The following AQP11 variants were observed in gnomAD, a reference collection of about 807,000 sequenced individuals.
AQP11 encodes the protein aquaporin-11.
A neutral mutation model predicts 21.1 loss-of-function variants in AQP11; 20 were observed. The ratio of observed to expected loss-of-function variants is 0.95; its 90% CI spans 0.67 to 1.38. AQP11 has a LOEUF of 1.38. Among genes scored for constraint, AQP11 ranks in the 40% most tolerant of loss-of-function variants. The probability of loss-of-function intolerance (pLI) is 0.00; values close to 1 mark genes in which losing one functional copy is unlikely to be tolerated. For synonymous variants in AQP11, 167 were observed against 150.1 expected (o/e 1.11, Z -0.82); for missense variants, 339 against 340.4 (o/e 1.00, Z 0.03).
intron 1 of AQP11, among the ~76,000 whole-genome samples, chr11:77,593,675 C>G (rs1958762462): frequency 6.6e-6 from 1 of 151,956 alleles, no homozygotes; most frequent in Non-Finnish European, 1.5e-5. Flanking sequence ...AAAAACAACC[C>G]ATCGATGAAT....
At chr11:77,597,370 G>A (rs955050033) in intron 1 of AQP11, among the ~76,000 whole-genome samples, 5 of 152,134 alleles carry the variant, frequency 3.3e-5, no homozygotes, top group East Asian at 1.9e-4. Flanking sequence ...CCAGGAGTTC[G>A]AGACCAGCCT....
chr11:77,600,115 A>C (rs1590784989), intron 1 of AQP11, among the ~76,000 whole-genome samples: 2 of 138,072 alleles, frequency 1.4e-5, no homozygotes, highest in South Asian at 4.5e-4. Context: ...GCACGCCACC[A>C]TGCCCAGCTA....
At chr11:77,607,234 C>A (rs4945186) in intron 2 of AQP11, among the ~76,000 whole-genome samples, 27,429 of 151,752 alleles carry the variant, frequency 0.18, 3,165 homozygotes, top group African/African-American at 0.31. Context: ...GAAATAAAGA[C>A]ATAAAGCGAC....
At chr11:77,592,707 T>C (rs914925931) in intron 1 of AQP11, among the ~76,000 whole-genome samples, 2 of 152,202 alleles carry the variant, frequency 1.3e-5, no homozygotes, top group Admixed American at 6.5e-5. Flanking sequence ...GTCATAGATA[T>C]AAGGAAAGTT....
chr11:77,598,382 CAGTGGACT>C (rs1214919182), intron 1 of AQP11, among the ~76,000 whole-genome samples: 5 of 152,192 alleles, frequency 3.3e-5, no homozygotes, highest in Non-Finnish European at 5.9e-5. Context: ...TGACTCTTGG[CAGTGGACT>C]AGCTGGATCT....
Position 77,590,056 on chromosome 11 carries a change from C to T in AQP11, c.64C>T (p.Leu22=), listed in dbSNP as rs942429039. The change falls in exon 1 of 3, where the codon CTG becomes TTG. Residue 22 remains leucine, a synonymous_variant. Coordinates refer to ENST00000313578, the MANE Select transcript of AQP11 (RefSeq NM_173039.3). ...CACCTGCACCTCGCTGGGACTGATG[C>T]TGTCGGTGGTGCTGCTCATGGGGCT... ...QDTCTSLGLM[L]SVVLLMGLAR... 3.1e-6 allele frequency: 5 copies of T among 1,596,622 alleles called. No individual in the cohort carries two copies. In the East Asian group the frequency reaches 9.0e-5, roughly 29 times the overall value.
Position 77,590,046 on chromosome 11 carries a change from G to A in AQP11, c.54G>A (p.Leu18=), listed in dbSNP as rs1958735133. ...AGCTGCAGGACACCTGCACCTCGCT[G>A]GGACTGATGCTGTCGGTGGTGCTGC... The part of the protein sequence containing the change: ...RSELQDTCTS[L]GLMLSVVLLM... The change falls in exon 1 of 3, where the codon CTG becomes CTA. Residue 18 remains leucine, a synonymous_variant. Coordinates refer to ENST00000313578, the MANE Select transcript of AQP11 (RefSeq NM_173039.3). 4 of 1,588,656 alleles carry A rather than the reference G, an allele frequency of 2.5e-6. No homozygotes were observed. The highest frequency in any genetic ancestry group is 2.7e-5 in the African/African-American group (2 of 74,134).
intron 1 of AQP11, among the ~76,000 whole-genome samples, chr11:77,597,706 T>C (rs529379225): frequency 3.3e-5 from 5 of 152,136 alleles, no homozygotes; most frequent in Non-Finnish European, 7.4e-5. Context: ...GGAGTAGAGA[T>C]TGAATTTGGG....
intron 1 of AQP11, chr11:77,591,355 C>G (rs1958746495): frequency 1.0e-6 from 1 of 965,426 alleles, no homozygotes; most frequent in African/African-American, 1.8e-5. Flanking sequence ...AGGAGGAAAT[C>G]CAAAACACAA....
At position 77,590,015 on chromosome 11, in the gene AQP11, G is replaced by C. The variant is rs749290888; in HGVS notation, c.23G>C (p.Arg8Pro). MSPLLGL[R>P]SELQDTCTSL... ...GCCATGTCGCCGCTGCTGGGGCTCC[G>C]GTCCGAGCTGCAGGACACCTGCACC... The change falls in exon 1 of 3, where the codon CGG (arginine) becomes CCG (proline). Residue 8 changes from arginine (R) to proline (P), a missense_variant. Coordinates refer to ENST00000313578, the MANE Select transcript of AQP11 (RefSeq NM_173039.3). 4.2e-5 allele frequency: 64 copies of C among 1,512,034 alleles called. No individual in the cohort carries two copies. The highest frequency in any genetic ancestry group is 5.6e-5 in the African/African-American group (4 of 71,128). 93.7% of individuals were successfully genotyped at this position (1,512,034 alleles called of 1,614,324 possible).
Position 77,599,259 on chromosome 11 carries a change from TTTTC to T in AQP11, c.620-4293_620-4290del, listed in dbSNP as rs1205341105. Among the ~76,000 whole-genome samples the T allele has an allele frequency of 3.3e-5, 5 of 151,942 alleles. No homozygotes were observed. The East Asian group carries it at 9.7e-4, about 30-fold the overall frequency. On this transcript the variant is annotated intron_variant, in intron 1 of 2. Coordinates refer to ENST00000313578, the MANE Select transcript of AQP11 (RefSeq NM_173039.3). ...GCACCTGCCACCACAGCCGGCTAAT[TTTTC>T]TTTATTAATTATTTTTTTAATTATA...
intron 2 of AQP11, among the ~76,000 whole-genome samples, chr11:77,606,770 T>A (rs1440926037): frequency 6.6e-6 from 1 of 152,186 alleles, no homozygotes; most frequent in Non-Finnish European, 1.5e-5. Flanking sequence ...CTAAGTTTTG[T>A]ATTTTTTATA....
At chr11:77,597,557 G>A (rs544381618) in intron 1 of AQP11, among the ~76,000 whole-genome samples, 2 of 152,214 alleles carry the variant, frequency 1.3e-5, no homozygotes, top group East Asian at 3.9e-4. Flanking sequence ...GGATGACAGA[G>A]TGAGAATCTC....
chr11:77,596,031 A>G (rs1475534261), intron 1 of AQP11, among the ~76,000 whole-genome samples: 1 of 152,132 alleles, frequency 6.6e-6, no homozygotes, highest in African/African-American at 2.4e-5. Context: ...AACACCTTCA[A>G]AGGTCCAAAA....
At chr11:77,599,296 AT>A (rs768539795) in intron 1 of AQP11, among the ~76,000 whole-genome samples, 78 of 152,028 alleles carry the variant, frequency 5.1e-4, no homozygotes, top group Non-Finnish European at 8.5e-4. Flanking sequence ...ATACTTTAAG[AT>A]CTAGGGTACA....
intron 1 of AQP11, among the ~76,000 whole-genome samples, chr11:77,602,725 T>C (rs1405593246): frequency 1.3e-5 from 2 of 152,206 alleles, no homozygotes; most frequent in Non-Finnish European, 2.9e-5. Flanking sequence ...CAATGGTGCA[T>C]GTCAATAATA....
intron 1 of AQP11, among the ~76,000 whole-genome samples, chr11:77,597,044 T>C (rs1958787564): frequency 6.6e-6 from 1 of 152,178 alleles, no homozygotes; most frequent in Non-Finnish European, 1.5e-5. Context: ...ATTATTTCCC[T>C]CTATATTTCT....
chr11:77,595,681 G>A (rs7111466), intron 1 of AQP11, among the ~76,000 whole-genome samples: 298 of 152,288 alleles, frequency 2.0e-3, no homozygotes, highest in African/African-American at 6.8e-3. Flanking sequence ...CAGCACTTTG[G>A]GAGGCAGAGG....
intron 1 of AQP11, among the ~76,000 whole-genome samples, chr11:77,592,371 A>G (rs1234544432): frequency 6.6e-6 from 1 of 152,234 alleles, no homozygotes; most frequent in Admixed American, 6.5e-5. Context: ...TTTTAGCTAA[A>G]GCAGAAACAT....
Sources: allele counts gnomAD v4.1 joint callset (sites outside exome capture counted in the v4.1 genomes callset), GRCh38; gene constraint gnomAD v4.1.1; transcripts MANE v1.5; gene names NCBI Gene and HGNC (gene_info 2026-07-23, HGNC 2026-07-21).